The following WWOX variants were observed in gnomAD, a reference collection of about 807,000 sequenced individuals.
WWOX encodes WW domain-containing oxidoreductase.
A neutral mutation model predicts 46.2 loss-of-function variants in WWOX; 69 were observed. That is an observed-to-expected ratio of 1.49 (90% CI 1.23 to 1.82). The LOEUF (loss-of-function observed/expected upper bound fraction) is 1.82, where lower values mean the gene tolerates loss of function less well. Ranked by LOEUF, WWOX falls within the 40% of genes most tolerant of loss-of-function variation. The probability of loss-of-function intolerance (pLI) is 0.00; values close to 1 mark genes in which losing one functional copy is unlikely to be tolerated. For synonymous variants in WWOX, 359 were observed against 202.6 expected (o/e 1.77, Z -6.56); for missense variants, 919 against 542.6 (o/e 1.69, Z -6.89).
intron 5 of WWOX, among the ~76,000 whole-genome samples, chr16:78,218,984 C>G (rs1359546748): frequency 1.3e-5 from 2 of 152,196 alleles, no homozygotes; most frequent in Admixed American, 1.3e-4. Context: ...TGAAATGTCA[C>G]TTTTATGCAA....
chr16:78,183,398 G>A (rs909049290), intron 5 of WWOX, among the ~76,000 whole-genome samples: 1 of 152,154 alleles, frequency 6.6e-6, no homozygotes, highest in Admixed American at 6.5e-5. Flanking sequence ...TTATGAGCGT[G>A]AAAGGTTTTC....
At chr16:78,919,524 G>GT (rs869086458) in intron 8 of WWOX, among the ~76,000 whole-genome samples, 57 of 13,552 alleles carry the variant, frequency 4.2e-3, no homozygotes, top group African/African-American at 7.5e-3. Flanking sequence ...TTTTTGTTTT[G>GT]TTTTTTTTTT....
At chr16:78,454,925 C>T (rs948617187) in intron 8 of WWOX, among the ~76,000 whole-genome samples, 1 of 152,206 alleles carries the variant, frequency 6.6e-6, no homozygotes, top group South Asian at 2.1e-4. Context: ...CAGTCACTGC[C>T]CCAATACTGT....
intron 8 of WWOX, among the ~76,000 whole-genome samples, chr16:78,577,539 A>G (rs971781945): frequency 1.3e-5 from 2 of 152,220 alleles, no homozygotes; most frequent in Non-Finnish European, 2.9e-5. Context: ...CAAGCCAGCT[A>G]GAGTTCAAGT....
chr16:78,940,068 T>C (rs2045821097), intron 8 of WWOX, among the ~76,000 whole-genome samples: 1 of 152,328 alleles, frequency 6.6e-6, no homozygotes, highest in Admixed American at 6.5e-5. Context: ...CATCCCATTA[T>C]ACAAAAATGC....
At chr16:78,593,352 A>G (rs762253336) in intron 8 of WWOX, among the ~76,000 whole-genome samples, 1 of 152,014 alleles carries the variant, frequency 6.6e-6, no homozygotes, top group Non-Finnish European at 1.5e-5. Context: ...TGATACTGAT[A>G]TTTTATTGTC....
chr16:78,762,056 A>T (rs536614506), intron 8 of WWOX, among the ~76,000 whole-genome samples: 4 of 152,196 alleles, frequency 2.6e-5, no homozygotes, highest in Middle Eastern at 3.4e-3. Flanking sequence ...TTTGGTGTCA[A>T]CTCTGTGCTG....
intron 8 of WWOX, among the ~76,000 whole-genome samples, chr16:79,023,702 C>T (rs2047580577): frequency 1.3e-5 from 2 of 151,412 alleles, no homozygotes; most frequent in African/African-American, 2.4e-5. Context: ...GGTAGATCAC[C>T]TGAGGTCTCA....
intron 8 of WWOX, among the ~76,000 whole-genome samples, chr16:79,179,577 G>C (rs934435795): frequency 6.6e-6 from 1 of 152,224 alleles, no homozygotes; most frequent in Non-Finnish European, 1.5e-5. Context: ...TAGAATCTAG[G>C]TGTGGAAAGC....
chr16:78,892,585 C>G (rs2044614594), intron 8 of WWOX, among the ~76,000 whole-genome samples: 1 of 152,182 alleles, frequency 6.6e-6, no homozygotes, highest in South Asian at 2.1e-4. Context: ...TCCAAAGCAG[C>G]TCCACTTTTA....
intron 8 of WWOX, among the ~76,000 whole-genome samples, chr16:79,118,291 G>A (rs2049559440): frequency 6.6e-6 from 1 of 152,198 alleles, no homozygotes; most frequent in African/African-American, 2.4e-5. Context: ...AGCCAGTGTG[G>A]TATTCATAAA....
intron 8 of WWOX, among the ~76,000 whole-genome samples, chr16:78,988,463 G>T (rs1226007750): frequency 6.6e-6 from 1 of 152,106 alleles, no homozygotes; most frequent in Non-Finnish European, 1.5e-5. Context: ...AGTTGAAGGT[G>T]CCAGGATGGA....
intron 5 of WWOX, among the ~76,000 whole-genome samples, chr16:78,258,476 C>A (rs548706613): frequency 6.6e-6 from 1 of 151,972 alleles, no homozygotes; most frequent in Non-Finnish European, 1.5e-5. Flanking sequence ...TCGGATGCTA[C>A]GAGGGGTAAT....
intron 8 of WWOX, among the ~76,000 whole-genome samples, chr16:78,925,785 G>T (rs1469913540): frequency 6.6e-6 from 1 of 152,142 alleles, no homozygotes; most frequent in Non-Finnish European, 1.5e-5. Flanking sequence ...GTGAGGCTTT[G>T]GCCAATAAGA....
chr16:78,732,539 C>T (rs751616026), intron 8 of WWOX, among the ~76,000 whole-genome samples: 17 of 152,150 alleles, frequency 1.1e-4, no homozygotes, highest in Middle Eastern at 3.4e-3. Context: ...TCATGAATAG[C>T]GCATGTGGTA....
intron 4 of WWOX, chr16:78,123,769 T>C (rs1216971423): frequency 3.3e-5 from 5 of 152,080 alleles, no homozygotes; most frequent in African/African-American, 4.8e-5. Flanking sequence ...TATGTTTTTT[T>C]CTAAGAATAT....
chr16:78,713,266 T>A (rs1428712240), intron 8 of WWOX, among the ~76,000 whole-genome samples: 2 of 106,556 alleles, frequency 1.9e-5, no homozygotes, highest in African/African-American at 8.6e-5. Context: ...AAAGTGAGAC[T>A]CTGTCTCAAA....
At chr16:78,477,460 A>G (rs2084378182) in intron 8 of WWOX, among the ~76,000 whole-genome samples, 2 of 152,134 alleles carry the variant, frequency 1.3e-5, no homozygotes, top group Non-Finnish European at 2.9e-5. Context: ...ATAAAGTGCC[A>G]TTGATCCTTA....
intron 8 of WWOX, among the ~76,000 whole-genome samples, chr16:78,582,120 T>C (rs2045071894): frequency 6.6e-6 from 1 of 152,220 alleles, no homozygotes; most frequent in Non-Finnish European, 1.5e-5. Flanking sequence ...ACTCATTATC[T>C]ATGGGTTTAT....
Sources: gnomAD v4.1 joint callset for allele counts (sites outside exome capture counted in the v4.1 genomes callset) on GRCh38, gnomAD v4.1.1 for gene constraint, MANE v1.5 for transcripts, NCBI Gene and HGNC (gene_info 2026-07-23, HGNC 2026-07-21) for gene names.